Variants in KSR2 observed in about 807,000 individuals in gnomAD.
The protein encoded by KSR2 is kinase suppressor of ras 2.
A neutral mutation model predicts 107.8 loss-of-function variants in KSR2; 25 were observed. That is an observed-to-expected ratio of 0.23 (90% CI 0.17 to 0.32). The LOEUF is 0.32. KSR2 is among the 10% of genes least tolerant of loss of function. The pLI is 1.00. For synonymous variants in KSR2, 480 were observed against 507.0 expected (o/e 0.95, Z 0.71); for missense variants, 887 against 1,268.9 (o/e 0.70, Z 4.57).
chr12:117,669,512 A>G (rs1310128018), intron 4 of KSR2, among the ~76,000 whole-genome samples: 1 of 152,006 alleles, frequency 6.6e-6, no homozygotes, highest in Non-Finnish European at 1.5e-5. Flanking sequence ...AATGGACAAT[A>G]CCTAACAATA....
chr12:117,530,576 C>T (rs1311178186), intron 12 of KSR2, among the ~76,000 whole-genome samples: 3 of 152,070 alleles, frequency 2.0e-5, no homozygotes, highest in African/African-American at 2.4e-5. Context: ...GAATAATTGC[C>T]CTTTCATTAA....
chr12:117,885,324 A>G (rs370565588), intron 1 of KSR2, among the ~76,000 whole-genome samples: 1 of 152,182 alleles, frequency 6.6e-6, no homozygotes, highest in African/African-American at 2.4e-5. Flanking sequence ...TTTAATCCAC[A>G]TAATAACTCT....
intron 14 of KSR2, among the ~76,000 whole-genome samples, chr12:117,499,758 C>T (rs1310661980): frequency 4.6e-5 from 7 of 152,158 alleles, no homozygotes; most frequent in Non-Finnish European, 8.8e-5. Flanking sequence ...ACAGAGTTTA[C>T]TGTTCAATTT....
chr12:117,488,518 T>A (rs1353371217), intron 14 of KSR2, among the ~76,000 whole-genome samples: 1 of 152,104 alleles, frequency 6.6e-6, no homozygotes, highest in Non-Finnish European at 1.5e-5. Context: ...CGGAGCCTCA[T>A]GAATGGGATT....
At chr12:117,812,478 G>A (rs956187431) in intron 3 of KSR2, among the ~76,000 whole-genome samples, 4 of 152,078 alleles carry the variant, frequency 2.6e-5, no homozygotes, top group African/African-American at 9.7e-5. Flanking sequence ...GCACACAGGA[G>A]AGCCAAGTCC....
chr12:117,480,379 C>T (rs1872105245), intron 16 of KSR2, among the ~76,000 whole-genome samples: 1 of 152,146 alleles, frequency 6.6e-6, no homozygotes, highest in Non-Finnish European at 1.5e-5. Context: ...CCTGGGGTGC[C>T]CCGTTCCCAT....
intron 14 of KSR2, among the ~76,000 whole-genome samples, chr12:117,502,769 A>G (rs1250397569): frequency 6.6e-6 from 1 of 152,216 alleles, no homozygotes; most frequent in Non-Finnish European, 1.5e-5. Flanking sequence ...AGGAGCCCTG[A>G]GCCAGGCAAT....
At chr12:117,869,527 T>C (rs1893583705) in intron 1 of KSR2, among the ~76,000 whole-genome samples, 1 of 152,242 alleles carries the variant, frequency 6.6e-6, no homozygotes, top group Admixed American at 6.5e-5. Flanking sequence ...CTGTGAATTT[T>C]CACAAATACA....
At chr12:117,939,294 GA>G (rs1300753260) in intron 1 of KSR2, among the ~76,000 whole-genome samples, 4 of 152,214 alleles carry the variant, frequency 2.6e-5, no homozygotes. Context: ...AATGGTTTGG[GA>G]ATTGCTTCAC....
chr12:117,565,598 T>C (rs1350084078), intron 7 of KSR2, among the ~76,000 whole-genome samples: 1 of 152,158 alleles, frequency 6.6e-6, no homozygotes, highest in African/African-American at 2.4e-5. Context: ...AATCACAATA[T>C]TGACAATGAG....
At chr12:117,798,700 C>G (rs1890720813) in intron 3 of KSR2, among the ~76,000 whole-genome samples, 1 of 87,466 alleles carries the variant, frequency 1.1e-5, no homozygotes, top group Non-Finnish European at 2.0e-5. Context: ...GGGAGGTAGG[C>G]AAAAAGTCCA....
intron 3 of KSR2, among the ~76,000 whole-genome samples, chr12:117,840,871 G>A (rs577475502): frequency 1.3e-5 from 2 of 152,064 alleles, no homozygotes; most frequent in Non-Finnish European, 2.9e-5. Flanking sequence ...GCATAGTGGT[G>A]GGTGCCTGTA....
intron 5 of KSR2, among the ~76,000 whole-genome samples, chr12:117,623,172 T>C (rs1882284174): frequency 1.3e-5 from 2 of 152,210 alleles, no homozygotes; most frequent in South Asian, 4.1e-4. Context: ...CAGAGGTGAA[T>C]ACCAGTTAAA....
At chr12:117,773,835 T>C (rs1889592620) in intron 3 of KSR2, among the ~76,000 whole-genome samples, 1 of 152,158 alleles carries the variant, frequency 6.6e-6, no homozygotes, top group Admixed American at 6.6e-5. Flanking sequence ...GTACAATAAG[T>C]ACTAGTAGTA....
intron 4 of KSR2, among the ~76,000 whole-genome samples, chr12:117,707,839 A>T (rs1291189361): frequency 6.6e-6 from 1 of 152,148 alleles, no homozygotes; most frequent in African/African-American, 2.4e-5. Flanking sequence ...AGGGGTTGCA[A>T]ATATGCCTAA....
chr12:117,667,083 C>T (rs1884687522), intron 5 of KSR2, among the ~76,000 whole-genome samples: 1 of 152,206 alleles, frequency 6.6e-6, no homozygotes, highest in Non-Finnish European at 1.5e-5. Flanking sequence ...TTAGCCACAG[C>T]AGCCAAGAAA....
At chr12:117,618,239 C>T (rs1326268992) in intron 5 of KSR2, among the ~76,000 whole-genome samples, 2 of 152,090 alleles carry the variant, frequency 1.3e-5, no homozygotes, top group Admixed American at 1.3e-4. Flanking sequence ...TTTTTATAAG[C>T]ACTGGTCTAT....
intron 1 of KSR2, among the ~76,000 whole-genome samples, chr12:117,905,946 T>C (rs975392726): frequency 1.3e-5 from 2 of 151,706 alleles, no homozygotes; most frequent in Admixed American, 1.3e-4. Flanking sequence ...GTAGTGATCA[T>C]ACTAGTTAAT....
In KSR2 at chr12:117,806,698, C is replaced by T. The variant is rs144746010; in HGVS notation, c.473-45174G>A. The stretch of plus-strand genomic sequence containing the variant: ...CCTCCTCTCAGCCCCTGGCAACACC[C>T]ATCTGCTCTGGCTCTATGGGTTTAC... On this transcript the variant is annotated intron_variant, in intron 3 of 19. Coordinates refer to ENST00000339824, the MANE Select transcript of KSR2 (RefSeq NM_173598.6). Among the ~76,000 whole-genome samples, 720 of 152,296 alleles carry T rather than the reference C, an allele frequency of 4.7e-3. 3 individuals carry two copies. Among genetic ancestry groups the T allele is most frequent in the African/African-American group, 0.017 (691 of 41,546 alleles).
Sources: allele counts gnomAD v4.1 joint callset (sites outside exome capture counted in the v4.1 genomes callset), GRCh38; gene constraint gnomAD v4.1.1; transcripts MANE v1.5; gene names NCBI Gene and HGNC (gene_info 2026-07-23, HGNC 2026-07-21).